The following TNFSF4 variants were observed in gnomAD, a reference collection of about 807,000 sequenced individuals.
The protein encoded by TNFSF4 is TNF superfamily member 4, also known as tumor necrosis factor ligand superfamily member 4.
TNFSF4 carries 4 observed loss-of-function variants against 7.3 expected under a neutral mutation model. That is an observed-to-expected ratio of 0.55 (90% confidence interval 0.27 to 1.25). The LOEUF is 1.25. TNFSF4 is among the 50% of genes most tolerant of loss of function. The probability of loss-of-function intolerance (pLI) is 0.12; values close to 1 mark genes in which losing one functional copy is unlikely to be tolerated. For missense variants in TNFSF4, 181 were observed against 208.8 expected (o/e 0.87, Z 0.82); for synonymous variants, 76 against 83.7 (o/e 0.91, Z 0.50).
At chr1:173,191,750 C>CAAAG (rs1649488837) in intron 1 of TNFSF4, among the ~76,000 whole-genome samples, 4 of 152,180 alleles carry the variant, frequency 2.6e-5, no homozygotes, top group Admixed American at 2.6e-4. Flanking sequence ...AGCATTTCTT[C>CAAAG]GCTTTAGCCT....
chr1:173,400,043 T>C, the TNFSF4 span, among the ~76,000 whole-genome samples: 7 of 152,250 alleles, frequency 4.6e-5, no homozygotes, highest in African/African-American at 1.7e-4. Context: ...TTGTGTTCCC[T>C]GAACACAACG....
At chr1:173,213,025 G>T in the TNFSF4 span, among the ~76,000 whole-genome samples, 13 of 152,164 alleles carry the variant, frequency 8.5e-5, no homozygotes, top group East Asian at 2.5e-3. Flanking sequence ...CTGTTCACAG[G>T]ACCAGAAATA....
chr1:173,259,948 C>T, the TNFSF4 span, among the ~76,000 whole-genome samples: 2 of 152,134 alleles, frequency 1.3e-5, no homozygotes, highest in African/African-American at 4.8e-5. Flanking sequence ...CTTCCCCAAC[C>T]TAGCAAGACA....
chr1:173,209,921 A>G (rs572147622), upstream of TNFSF4, among the ~76,000 whole-genome samples: 1 of 152,316 alleles, frequency 6.6e-6, no homozygotes, highest in African/African-American at 2.4e-5. Context: ...CCCATAGACT[A>G]TTAACCTCCT....
At chr1:173,394,426 A>G in the TNFSF4 span, among the ~76,000 whole-genome samples, 1 of 152,108 alleles carries the variant, frequency 6.6e-6, no homozygotes, top group African/African-American at 2.4e-5. Flanking sequence ...CTTTACTGTG[A>G]TTGTCAATTT....
chr1:173,188,489 T>C, intron 2 of TNFSF4, 32 bp downstream of exon 2: 2 of 1,532,280 alleles, frequency 1.3e-6, no homozygotes, highest in East Asian at 2.3e-5. Flanking sequence ...CTTTCAAAAA[T>C]ATGAATCAAT....
chr1:173,345,796 A>G, the TNFSF4 span, among the ~76,000 whole-genome samples: 1,076 of 152,338 alleles, frequency 7.1e-3, 14 homozygotes, highest in African/African-American at 0.025. Flanking sequence ...GAGAGACCCA[A>G]CTGAAGTGAA....
At chr1:173,214,625 A>C in the TNFSF4 span, among the ~76,000 whole-genome samples, 3 of 152,258 alleles carry the variant, frequency 2.0e-5, no homozygotes, top group Non-Finnish European at 4.4e-5. Flanking sequence ...GTTTTAAGAA[A>C]GTTTATAAGT....
At chr1:173,375,618 C>T in the TNFSF4 span, among the ~76,000 whole-genome samples, 12 of 149,578 alleles carry the variant, frequency 8.0e-5, no homozygotes, top group African/African-American at 3.1e-4. Context: ...CCAATCAGTG[C>T]TCTGTAAAAT....
chr1:173,400,192 T>C, the TNFSF4 span, among the ~76,000 whole-genome samples: 2 of 152,218 alleles, frequency 1.3e-5, no homozygotes, highest in African/African-American at 2.4e-5. Context: ...TCTTACCGTG[T>C]TTTCCACCAT....
the TNFSF4 span, among the ~76,000 whole-genome samples, chr1:173,342,824 G>T: frequency 6.6e-6 from 1 of 152,206 alleles, no homozygotes; most frequent in Non-Finnish European, 1.5e-5. Context: ...AAAGAGAAAA[G>T]CCCTTTCTGA....
the TNFSF4 span, among the ~76,000 whole-genome samples, chr1:173,421,782 C>T: frequency 6.6e-6 from 1 of 151,966 alleles, no homozygotes; most frequent in Non-Finnish European, 1.5e-5. Flanking sequence ...TACAACAGTC[C>T]ATCCCAATTT....
chr1:173,259,464 G>T, the TNFSF4 span, among the ~76,000 whole-genome samples: 2 of 152,156 alleles, frequency 1.3e-5, no homozygotes, highest in Non-Finnish European at 2.9e-5. Flanking sequence ...CGCCTCTCCA[G>T]CAAGGGCACA....
chr1:173,216,512 A>G, the TNFSF4 span, among the ~76,000 whole-genome samples: 2 of 152,158 alleles, frequency 1.3e-5, no homozygotes, highest in Non-Finnish European at 2.9e-5. Flanking sequence ...ATAAATTATT[A>G]ATTTCAAAAT....
At chr1:173,443,149 A>C in the TNFSF4 span, among the ~76,000 whole-genome samples, 2 of 152,196 alleles carry the variant, frequency 1.3e-5, no homozygotes, top group African/African-American at 4.8e-5. Context: ...ATGTATATCA[A>C]ATTGAAAACA....
chr1:173,356,044 T>A, the TNFSF4 span, among the ~76,000 whole-genome samples: 1 of 152,252 alleles, frequency 6.6e-6, no homozygotes, highest in Non-Finnish European at 1.5e-5. Context: ...CAACTCATCA[T>A]CTACAGGGTT....
the TNFSF4 span, among the ~76,000 whole-genome samples, chr1:173,343,215 T>G: frequency 6.6e-6 from 1 of 152,070 alleles, no homozygotes; most frequent in Non-Finnish European, 1.5e-5. Context: ...AATAAATATA[T>G]AGTATGATAG....
chr1:173,311,001 T>A, the TNFSF4 span, among the ~76,000 whole-genome samples: 1 of 151,972 alleles, frequency 6.6e-6, no homozygotes, highest in East Asian at 1.9e-4. Flanking sequence ...TCACTTTTTA[T>A]ATTTTATTCT....
At chr1:173,302,091 G>C in the TNFSF4 span, among the ~76,000 whole-genome samples, 1 of 151,880 alleles carries the variant, frequency 6.6e-6, no homozygotes, top group Non-Finnish European at 1.5e-5. Flanking sequence ...CTGGGTTCTA[G>C]TACTGTGAGA....
Sources: gnomAD v4.1 joint callset for allele counts (sites outside exome capture counted in the v4.1 genomes callset) on GRCh38, gnomAD v4.1.1 for gene constraint, MANE v1.5 for transcripts, NCBI Gene and HGNC (gene_info 2026-07-23, HGNC 2026-07-21) for gene names.